The following CR1 variants were observed in gnomAD, a reference collection of about 807,000 sequenced individuals.
CR1 encodes the protein complement C3b/C4b receptor 1 (Knops blood group).
Under a neutral mutation model 187.3 loss-of-function variants are expected in CR1, and 116 were observed. The ratio of observed to expected loss-of-function variants is 0.62; its 90% CI spans 0.53 to 0.72. CR1 has a LOEUF of 0.72. CR1 is among the 30% of genes least tolerant of loss of function. The pLI is 0.00. For missense variants in CR1, 1,731 were observed against 2,110.7 expected, an observed-to-expected ratio of 0.82 and a Z score of 3.52; for synonymous variants, 576 against 747.1, an observed-to-expected ratio of 0.77 and a Z score of 3.73.
At chr1:207,521,624 C>CTTTTTTT (rs139203101) in intron 4 of CR1, among the ~76,000 whole-genome samples, 2 of 88,306 alleles carry the variant, frequency 2.3e-5, no homozygotes, top group Admixed American at 1.4e-4. Context: ...TGCCCTCTTC[C>CTTTTTTT]TTTTTTTTTT....
At chr1:207,579,427 C>T (rs1356516380) in intron 29 of CR1, among the ~76,000 whole-genome samples, 1 of 152,146 alleles carries the variant, frequency 6.6e-6, no homozygotes, top group Non-Finnish European at 1.5e-5. Context: ...GGCTTGTGTT[C>T]TGGTCACAAT....
intron 4 of CR1, 121 bp downstream of exon 4, chr1:207,511,775 G>C: frequency 2.2e-6 from 2 of 898,254 alleles, no homozygotes; most frequent in Non-Finnish European, 3.4e-6. Flanking sequence ...TGAAGACTGC[G>C]GTAATGTTCT....
At chr1:207,582,680 G>C (rs1660994585) in intron 32 of CR1, among the ~76,000 whole-genome samples, 2 of 152,182 alleles carry the variant, frequency 1.3e-5, no homozygotes, top group South Asian at 4.1e-4. Flanking sequence ...CAGAGATGTT[G>C]GCCCAGGATA....
At chr1:207,601,758 G>T (rs1156304817) in intron 35 of CR1, among the ~76,000 whole-genome samples, 1 of 151,686 alleles carries the variant, frequency 6.6e-6, no homozygotes, top group African/African-American at 2.4e-5. Context: ...TTCGTAATTG[G>T]GTTGTTTGTT....
intron 36 of CR1, among the ~76,000 whole-genome samples, chr1:207,608,579 C>T (rs922253030): frequency 2.0e-5 from 3 of 152,116 alleles, no homozygotes; most frequent in Non-Finnish European, 4.4e-5. Flanking sequence ...CAAGGTGCCT[C>T]CCATATCTGC....
At position 207,575,755 on chromosome 1, in the gene CR1, G is replaced by A. The variant is rs529092915; in HGVS notation, c.4537+75G>A. 775 of 1,599,884 alleles carry A rather than the reference G, an allele frequency of 4.8e-4. 5 individuals are homozygous for A. In the African/African-American group the frequency reaches 4.9e-3, roughly 10 times the overall value. On this transcript the variant is annotated intron_variant, in intron 28 of 46. Coordinates refer to ENST00000367049, the MANE Select transcript of CR1 (RefSeq NM_000651.6). ...TGTCCTCCTAGAATTACAAAGAATG[G>A]ATCTCATCCCTCTTGGAAATGGTAT...
intron 5 of CR1, 68 bp downstream of exon 5, chr1:207,524,077 T>C (rs1308081846): frequency 2.5e-6 from 4 of 1,611,404 alleles, no homozygotes; most frequent in African/African-American, 1.3e-5. Flanking sequence ...AGGAGATTAG[T>C]ATTTGTTCAG....
At chr1:207,580,716 C>G in intron 31 of CR1, 103 bp downstream of exon 31, 1 of 1,044,396 alleles carries the variant, frequency 9.6e-7, no homozygotes, top group Non-Finnish European at 1.4e-6. Flanking sequence ...GAAGAAGAAT[C>G]CAGGGAGATT....
At chr1:207,593,084 CA>C (rs57700679) in intron 35 of CR1, among the ~76,000 whole-genome samples, 3,584 of 83,090 alleles carry the variant, frequency 0.043, 55 homozygotes, top group Middle Eastern at 0.058. Context: ...CACAGAATTA[CA>C]AAAAAAAAAA....
rs1480392781 is a variant in CR1, at chr1:207,598,390, T to C, written c.5811-8861T>C. Among the ~76,000 whole-genome samples the C allele has an allele frequency of 2.6e-5, 4 of 151,468 alleles. No homozygotes were observed. The East Asian group carries it at 5.8e-4, about 22-fold the overall frequency. On this transcript the variant is annotated intron_variant, in intron 35 of 46. Coordinates refer to ENST00000367049, the MANE Select transcript of CR1 (RefSeq NM_000651.6). ...TTAAAAATTTTGTTTAAGATATTGA[T>C]ACTTGGTCCAGTGCACAATAAAGAC...
At position 207,616,789 on chromosome 1, in the gene CR1, T is replaced by C; in HGVS notation, c.6876T>C (p.Leu2292=). ...VWSSPAPRCE[L]SVPAACPHPP... ...GCAGCCCTGCCCCTCGCTGTGAACT[T>C]TCTGTTCCTGCTGGTTAGTACCTGC... Residue 2292 remains leucine, a synonymous_variant, in exon 41 of 47, where the codon CTT becomes CTC. Transcript: ENST00000367049. 3 of 1,613,986 alleles carry C rather than the reference T, an allele frequency of 1.9e-6. No homozygotes were observed. Among genetic ancestry groups the C allele is most frequent in the Non-Finnish European group, 2.5e-6 (3 of 1,179,866 alleles).
At position 207,588,672 on chromosome 1, in the gene CR1, T is replaced by C; in HGVS notation, c.5711-3T>C. 3 of 1,607,418 alleles carry C rather than the reference T, an allele frequency of 1.9e-6. No individual in the cohort carries two copies. Among genetic ancestry groups the C allele is most frequent in the Non-Finnish European group, 2.6e-6 (3 of 1,174,644 alleles). The stretch of plus-strand genomic sequence containing the variant: ...TAATCCCAAATTCTGCTTCTTCCCC[T>C]AGGAAAATCATGTGGACCTCCACCA... On this transcript the variant is annotated splice_region_variant and splice_polypyrimidine_tract_variant and intron_variant, in intron 34 of 46. Transcript: ENST00000367049.
chr1:207,582,610 C>G (rs935174905), intron 32 of CR1, among the ~76,000 whole-genome samples: 1 of 152,102 alleles, frequency 6.6e-6, no homozygotes, highest in Non-Finnish European at 1.5e-5. Flanking sequence ...CAAGTGTAGC[C>G]CAGCAAACCT....
chr1:207,534,782 ATCAT>A (rs1166806737), intron 11 of CR1: 2 of 6,310 alleles, frequency 3.2e-4, no homozygotes, highest in Non-Finnish European at 2.2e-3. Flanking sequence ...GTTCGTCGGC[ATCAT>A]TTATCCAACA....
chr1:207,514,323 A>G (rs1659718049), intron 4 of CR1, among the ~76,000 whole-genome samples: 1 of 152,174 alleles, frequency 6.6e-6, no homozygotes, highest in Admixed American at 6.5e-5. Context: ...AGTGGTGTTT[A>G]GTATATTCAC....
rs775164766 is a variant in CR1, at chr1:207,588,708, A to G, written c.5744A>G (p.Asn1915Ser). 1.9e-6 allele frequency: 3 copies of G among 1,613,118 alleles called. 1 individual carries two copies. The highest frequency in any genetic ancestry group is 2.2e-5 in the South Asian group (2 of 90,912). Residue 1915 changes from asparagine (N) to serine (S), a missense_variant, in exon 35 of 47, where the codon AAT (asparagine) becomes AGT (serine). Physicochemically the swap from Asn to Ser is conservative, Grantham distance 46 (BLOSUM62 1). Coordinates refer to ENST00000367049, the MANE Select transcript of CR1 (RefSeq NM_000651.6). ...KSCGPPPEPF[N>S]GMVHINTDTQ... ...TGTGGACCTCCACCAGAACCCTTCA[A>G]TGGAATGGTGCATATAAACACAGAT...
At chr1:207,600,262 A>C (rs1423570131) in intron 35 of CR1, among the ~76,000 whole-genome samples, 1 of 152,164 alleles carries the variant, frequency 6.6e-6, no homozygotes. Context: ...AAGTCAGAGA[A>C]TTTTCTAAAA....
chr1:207,515,117 A>ATACATACGTACGTATATATACG (rs1659751559), intron 4 of CR1, among the ~76,000 whole-genome samples: 1 of 147,630 alleles, frequency 6.8e-6, no homozygotes, highest in Non-Finnish European at 1.5e-5. Flanking sequence ...GTACGTATAT[A>ATACATACGTACGTATATATACG]TACATACGTA....
chr1:207,590,559 G>T (rs938605140), intron 35 of CR1, among the ~76,000 whole-genome samples: 7 of 152,122 alleles, frequency 4.6e-5, no homozygotes, highest in Non-Finnish European at 1.5e-5. Flanking sequence ...CAACTAATGG[G>T]CAAAATAACA....
Sources: gnomAD v4.1 joint callset for allele counts (sites outside exome capture counted in the v4.1 genomes callset) on GRCh38, gnomAD v4.1.1 for gene constraint, MANE v1.5 for transcripts, NCBI Gene and HGNC (gene_info 2026-07-23, HGNC 2026-07-21) for gene names.